ACSM1: variants seen among roughly 807,000 people sequenced by gnomAD.
The protein encoded by ACSM1 is acyl-coenzyme A synthetase ACSM1, mitochondrial.
A neutral mutation model predicts 75.8 loss-of-function variants in ACSM1; 79 were observed. The ratio of observed to expected loss-of-function variants is 1.04; its 90% CI spans 0.87 to 1.26. ACSM1 has a LOEUF of 1.26. ACSM1 is among the 50% of genes most tolerant of loss of function. The pLI, the probability that ACSM1 is intolerant of heterozygous loss-of-function variation, is 0.00. For missense variants in ACSM1, 676 were observed against 720.1 expected (o/e 0.94, Z 0.70); for synonymous variants, 279 against 265.8 (o/e 1.05, Z -0.48).
intron 5 of ACSM1, among the ~76,000 whole-genome samples, chr16:20,671,296 T>G (rs2019880181): frequency 6.6e-6 from 1 of 152,118 alleles, no homozygotes; most frequent in Non-Finnish European, 1.5e-5. Context: ...AACCTAAATG[T>G]GCCTCCTTTG....
intron 4 of ACSM1, among the ~76,000 whole-genome samples, chr16:20,678,944 G>A (rs1373265491): frequency 1.3e-5 from 2 of 152,082 alleles, no homozygotes; most frequent in Non-Finnish European, 2.9e-5. Context: ...TAGACTAGAA[G>A]AAGTAACTTT....
At chr16:20,657,949 G>A (rs191049076) in intron 7 of ACSM1, among the ~76,000 whole-genome samples, 234 of 151,800 alleles carry the variant, frequency 1.5e-3, no homozygotes, top group Admixed American at 2.7e-3. Flanking sequence ...ATCATTTTTT[G>A]TGGCTGCATA....
At position 20,687,121 on chromosome 16, in the gene ACSM1, G is replaced by A. The variant is rs546958161; in HGVS notation, c.193-1718C>T. 1.8e-3 allele frequency among the ~76,000 whole-genome samples: 273 copies of A among 151,928 alleles called. 3 individuals carry two copies. The highest frequency in any genetic ancestry group is 6.4e-3 in the African/African-American group (264 of 41,430). On this transcript the variant is annotated intron_variant, in intron 2 of 13. Transcript: ENST00000520010. ...AAACTTGTTTACAATGTTCTGGCTT[G>A]TCCAAGGGTTGCGGAGGGACTGGCT... is the stretch of plus-strand genomic sequence containing the variant.
At chr16:20,691,762 TG>T (rs1567315915) in intron 1 of ACSM1, among the ~76,000 whole-genome samples, 1 of 41,564 alleles carries the variant, frequency 2.4e-5, no homozygotes, top group Admixed American at 2.5e-4. Context: ...TGTGTGTGTG[TG>T]TGTGTGTGTG....
intron 7 of ACSM1, among the ~76,000 whole-genome samples, chr16:20,650,583 T>C (rs982687208): frequency 1.3e-5 from 2 of 151,490 alleles, no homozygotes; most frequent in Non-Finnish European, 2.9e-5. Flanking sequence ...TCTGTAGTGA[T>C]ACACGGTGGA....
In ACSM1 at chr16:20,640,478, A is replaced by G. The variant is rs753200912; in HGVS notation, c.1099T>C (p.Tyr367His). The G allele has an allele frequency of 7.8e-5, 126 of 1,614,004 alleles. No homozygotes were observed. The highest frequency in any genetic ancestry group is 1.0e-4 in the Non-Finnish European group (120 of 1,180,012). The change falls in exon 8 of 14, where the codon TAT becomes CAT. Residue 367 changes from tyrosine to histidine, a missense_variant. Transcript: ENST00000520010. ...CCACCTACCGTTTCCGACTGCCCAT[A>G]GTTCTCGTAGAGCAGAAGGCCCGTC... is the stretch of plus-strand genomic sequence containing the variant. The part of the protein sequence containing the change: ...RRTGLLLYEN[Y>H]GQSETGLICA...
chr16:20,682,065 C>G, intron 4 of ACSM1, 191 bp downstream of exon 4: 1 of 563,448 alleles, frequency 1.8e-6, no homozygotes, highest in Non-Finnish European at 3.2e-6. Flanking sequence ...GATCTCCCCT[C>G]TCACCCCATG....
chr16:20,637,255 G>A (rs199544601), intron 9 of ACSM1, 116 bp downstream of exon 9: 6 of 803,256 alleles, frequency 7.5e-6, no homozygotes, highest in African/African-American at 3.4e-5. Context: ...TAAATGAGAA[G>A]AGAGGAGGAA....
chr16:20,646,856 G>A (rs956500597), intron 7 of ACSM1, among the ~76,000 whole-genome samples: 22 of 152,260 alleles, frequency 1.4e-4, no homozygotes, highest in African/African-American at 5.1e-4. Context: ...AAGCCATTAG[G>A]CCCCAAAATT....
At chr16:20,631,973 C>T (rs1360166162) in intron 10 of ACSM1, among the ~76,000 whole-genome samples, 2 of 152,170 alleles carry the variant, frequency 1.3e-5, no homozygotes, top group Non-Finnish European at 2.9e-5. Context: ...CAACAACCAC[C>T]TGTACCCCCA....
intron 12 of ACSM1, among the ~76,000 whole-genome samples, 173 bp downstream of exon 12, chr16:20,625,250 C>A (rs2016848151): frequency 6.6e-6 from 1 of 152,198 alleles, no homozygotes; most frequent in Non-Finnish European, 1.5e-5. Flanking sequence ...ATCTAGCATC[C>A]TTTTATTCAG....
Position 20,625,535 on chromosome 16 carries a change from G to C in ACSM1, c.1428-13C>G, listed in dbSNP as rs201723386. 5 of 1,611,852 alleles carry C rather than the reference G, an allele frequency of 3.1e-6. No individual in the cohort carries two copies. The highest frequency in any genetic ancestry group is 4.2e-6 in the Non-Finnish European group (5 of 1,178,742). On this transcript the variant is annotated splice_polypyrimidine_tract_variant and intron_variant, in intron 11 of 13. Coordinates refer to ENST00000520010, the MANE Select transcript of ACSM1 (RefSeq NM_001318890.3). ...CCCGATGCGATACCTGGAGGATGAA[G>C]GGTTCTGAGGCAGATGCCAGGGCTG...
At chr16:20,690,055 G>C (rs1312374468) in intron 2 of ACSM1, among the ~76,000 whole-genome samples, 1 of 152,230 alleles carries the variant, frequency 6.6e-6, no homozygotes. Flanking sequence ...CTCTGTAACT[G>C]AGGGTTTTAT....
chr16:20,642,882 G>T (rs1378940394), intron 7 of ACSM1, among the ~76,000 whole-genome samples: 1 of 152,208 alleles, frequency 6.6e-6, no homozygotes, highest in Non-Finnish European at 1.5e-5. Flanking sequence ...AAAGCAGTGT[G>T]CCCTATTCCT....
intron 10 of ACSM1, among the ~76,000 whole-genome samples, chr16:20,633,756 G>A (rs940375364): frequency 4.6e-5 from 7 of 152,088 alleles, no homozygotes; most frequent in African/African-American, 7.2e-5. Flanking sequence ...AAGGCCAGGC[G>A]CGGTAGCTCA....
At chr16:20,668,884 C>T (rs433598) in intron 6 of ACSM1, among the ~76,000 whole-genome samples, 74,573 of 151,958 alleles carry the variant, frequency 0.49, 20,991 homozygotes, top group East Asian at 0.86. Flanking sequence ...AATATGTTTA[C>T]GGACTGAGGG....
At chr16:20,644,065 T>C (rs926529436) in intron 7 of ACSM1, among the ~76,000 whole-genome samples, 1 of 152,188 alleles carries the variant, frequency 6.6e-6, no homozygotes, top group Admixed American at 6.5e-5. Context: ...AATTGGTGCA[T>C]TTACAATCCT....
chr16:20,640,883 T>G (rs778876956), intron 7 of ACSM1, among the ~76,000 whole-genome samples: 2 of 152,228 alleles, frequency 1.3e-5, no homozygotes, highest in Non-Finnish European at 2.9e-5. Context: ...TTATCAGAAC[T>G]CCTCTTGGGG....
chr16:20,684,914 A>C (rs2079518714), intron 3 of ACSM1, among the ~76,000 whole-genome samples: 1 of 152,164 alleles, frequency 6.6e-6, no homozygotes, highest in South Asian at 2.1e-4. Flanking sequence ...TGAATGTGAG[A>C]GTGTGAGGGA....
Sources: gnomAD v4.1 joint callset for allele counts (sites outside exome capture counted in the v4.1 genomes callset) on GRCh38, gnomAD v4.1.1 for gene constraint, MANE v1.5 for transcripts, NCBI Gene and HGNC (gene_info 2026-07-23, HGNC 2026-07-21) for gene names.